EFCAB11: variants seen among roughly 807,000 people sequenced by gnomAD.
EFCAB11 encodes EF-hand calcium-binding domain-containing protein 11.
In EFCAB11, 14 loss-of-function variants were observed where a neutral mutation model predicts 23.0. The observed-to-expected ratio is 0.61, with a 90% CI of 0.40 to 0.95. The LOEUF (loss-of-function observed/expected upper bound fraction) is 0.95, where lower values mean the gene tolerates loss of function less well. Among genes scored for constraint, EFCAB11 ranks in the 40% least tolerant of loss-of-function variants. EFCAB11 has a pLI of 0.00. For missense variants in EFCAB11, 198 were observed against 195.8 expected (o/e 1.01, Z -0.07); for synonymous variants, 65 against 66.6 (o/e 0.98, Z 0.11).
intron 5 of EFCAB11, among the ~76,000 whole-genome samples, chr14:89,899,422 T>C (rs1889275284): frequency 6.6e-6 from 1 of 152,180 alleles, no homozygotes; most frequent in African/African-American, 2.4e-5. Flanking sequence ...TCTCCAAAAT[T>C]CTAGACTTTG....
chr14:89,905,904 A>G (rs1889481376), intron 5 of EFCAB11, among the ~76,000 whole-genome samples: 1 of 152,190 alleles, frequency 6.6e-6, no homozygotes, highest in Non-Finnish European at 1.5e-5. Context: ...TGCAAGAATG[A>G]AACAGAAAAT....
chr14:89,941,421 TTAAA>T (rs1361946417), intron 3 of EFCAB11, among the ~76,000 whole-genome samples: 12 of 152,122 alleles, frequency 7.9e-5, no homozygotes, highest in Non-Finnish European at 1.5e-4. Flanking sequence ...CATGGCACTA[TTAAA>T]AATCAAAGGA....
At chr14:89,896,082 G>A (rs1053023262) in intron 5 of EFCAB11, among the ~76,000 whole-genome samples, 23 of 152,106 alleles carry the variant, frequency 1.5e-4, no homozygotes, top group African/African-American at 5.3e-4. Context: ...CCACTCAACC[G>A]GGAAAGATTA....
chr14:89,899,936 G>A (rs1889289285), intron 5 of EFCAB11, among the ~76,000 whole-genome samples: 1 of 152,118 alleles, frequency 6.6e-6, no homozygotes, highest in African/African-American at 2.4e-5. Context: ...TAAAGACCCT[G>A]CCACTCCACT....
At chr14:89,819,464 G>A (rs1376270832) in intron 5 of EFCAB11, among the ~76,000 whole-genome samples, 1 of 151,378 alleles carries the variant, frequency 6.6e-6, no homozygotes, top group Non-Finnish European at 1.5e-5. Context: ...TTGTCACCTA[G>A]GCTGGAGTGC....
At chr14:89,876,644 T>C (rs1888447786) in intron 5 of EFCAB11, among the ~76,000 whole-genome samples, 1 of 152,032 alleles carries the variant, frequency 6.6e-6, no homozygotes, top group South Asian at 2.1e-4. Flanking sequence ...GGGGGGAAAG[T>C]AAATCAAGGA....
At chr14:89,822,216 T>C (rs1886544757) in intron 5 of EFCAB11, among the ~76,000 whole-genome samples, 1 of 152,226 alleles carries the variant, frequency 6.6e-6, no homozygotes, top group African/African-American at 2.4e-5. Context: ...TGAACTGTTA[T>C]AAATGTATTC....
intron 5 of EFCAB11, among the ~76,000 whole-genome samples, chr14:89,833,399 C>T (rs116708771): frequency 0.026 from 4,027 of 152,300 alleles, 186 homozygotes; most frequent in African/African-American, 0.092. Context: ...TGGCAGGCAT[C>T]TTTTCATATA....
chr14:89,835,858 C>T (rs1431197083), intron 5 of EFCAB11, among the ~76,000 whole-genome samples: 5 of 151,684 alleles, frequency 3.3e-5, no homozygotes, highest in Admixed American at 2.6e-4. Context: ...AAACTCCTGA[C>T]CTCAGATGAT....
chr14:89,879,691 G>A (rs1888544241), intron 5 of EFCAB11, among the ~76,000 whole-genome samples: 1 of 152,134 alleles, frequency 6.6e-6, no homozygotes, highest in African/African-American at 2.4e-5. Flanking sequence ...AGGCTAATTT[G>A]CACTGCTGGG....
chr14:89,879,254 T>C (rs1207677811), intron 5 of EFCAB11, among the ~76,000 whole-genome samples: 1 of 152,150 alleles, frequency 6.6e-6, no homozygotes, highest in East Asian at 1.9e-4. Context: ...GAAAGACACC[T>C]TTTATGAAAT....
intron 3 of EFCAB11, among the ~76,000 whole-genome samples, chr14:89,937,302 G>C (rs964055577): frequency 6.6e-6 from 1 of 152,128 alleles, no homozygotes; most frequent in Non-Finnish European, 1.5e-5. Flanking sequence ...GAACTATTTG[G>C]TTTGAAGTGG....
At chr14:89,847,031 TC>T (rs1887451432) in intron 5 of EFCAB11, among the ~76,000 whole-genome samples, 1 of 152,204 alleles carries the variant, frequency 6.6e-6, no homozygotes, top group Non-Finnish European at 1.5e-5. Context: ...ATTTAGCACC[TC>T]ATTCTTCAAA....
intron 5 of EFCAB11, among the ~76,000 whole-genome samples, chr14:89,876,564 T>C (rs1888445057): frequency 6.6e-6 from 1 of 152,242 alleles, no homozygotes; most frequent in South Asian, 2.1e-4. Flanking sequence ...GATGGGCTTC[T>C]GTGCAATGCA....
intron 2 of EFCAB11, among the ~76,000 whole-genome samples, chr14:89,953,406 AG>A (rs1891259906): frequency 6.6e-6 from 1 of 152,262 alleles, no homozygotes; most frequent in Admixed American, 6.5e-5. Flanking sequence ...TGTCATGGAT[AG>A]AAAATTTCAG....
At chr14:89,950,269 A>T (rs1566826178) in intron 2 of EFCAB11, 127 bp from the exon 3 acceptor site, 1 of 936,566 alleles carries the variant, frequency 1.1e-6, no homozygotes, top group Non-Finnish European at 1.5e-6. Context: ...CCAAGCAGAC[A>T]AGTAATGATA....
chr14:89,924,662 T>A, intron 5 of EFCAB11: 1 of 1,535,832 alleles, frequency 6.5e-7, no homozygotes, highest in East Asian at 2.4e-5. Flanking sequence ...AGTTAAATCA[T>A]GCACTGAAAA....
At chr14:89,862,018 C>T (rs1331180694) in intron 5 of EFCAB11, among the ~76,000 whole-genome samples, 3 of 152,200 alleles carry the variant, frequency 2.0e-5, no homozygotes, top group Non-Finnish European at 4.4e-5. Flanking sequence ...TCTTTCCTTA[C>T]CTAATCTCCT....
At chr14:89,916,633 C>T (rs1410592570) in intron 5 of EFCAB11, among the ~76,000 whole-genome samples, 1 of 152,164 alleles carries the variant, frequency 6.6e-6, no homozygotes, top group Non-Finnish European at 1.5e-5. Context: ...AATTCTATTC[C>T]TTCGTTCATT....
Sources: allele counts gnomAD v4.1 joint callset (sites outside exome capture counted in the v4.1 genomes callset), GRCh38; gene constraint gnomAD v4.1.1; transcripts MANE v1.5; gene names NCBI Gene and HGNC (gene_info 2026-07-23, HGNC 2026-07-21).